The following ATP2C2 variants were observed in gnomAD, a reference collection of about 807,000 sequenced individuals.
The protein encoded by ATP2C2 is calcium-transporting ATPase type 2C member 2.
A neutral mutation model predicts 110.8 loss-of-function variants in ATP2C2; 171 were observed. The observed-to-expected ratio is 1.54, with a 90% CI of 1.36 to 1.75. ATP2C2 has a LOEUF of 1.75. ATP2C2 is among the 40% of genes most tolerant of loss of function. The pLI, the probability that ATP2C2 is intolerant of heterozygous loss-of-function variation, is 0.00. For synonymous variants in ATP2C2, 804 were observed against 508.4 expected (o/e 1.58, Z -7.82); for missense variants, 1,963 against 1,235.0 (o/e 1.59, Z -8.84).
At position 84,451,953 on chromosome 16, in the gene ATP2C2, C is replaced by A. The variant is rs184008317; in HGVS notation, c.1693C>A (p.Arg565=). 1.9e-6 allele frequency: 3 copies of A among 1,614,028 alleles called. No homozygotes were observed. The highest frequency in any genetic ancestry group is 2.5e-6 in the Non-Finnish European group (3 of 1,179,998). ...CCTGGCTTCTGGGCCCGAGCTGGGG[C>A]GGCTGACGTTTCTCGGTCTTGTGGG... ...LALASGPELG[R]LTFLGLVGII... Residue 565 remains arginine (R), a synonymous_variant, in exon 18 of 27, where the codon CGG becomes AGG. Coordinates refer to ENST00000262429, the MANE Select transcript of ATP2C2 (RefSeq NM_014861.4).
At chr16:84,448,794 G>A in intron 17 of ATP2C2, 105 bp downstream of exon 17, 1 of 1,451,386 alleles carries the variant, frequency 6.9e-7, no homozygotes, top group East Asian at 2.4e-5. Context: ...CCGTCCCAAG[G>A]AGTCAGGCAG....
intron 6 of ATP2C2, among the ~76,000 whole-genome samples, chr16:84,414,345 C>G (rs768173802): frequency 5.3e-4 from 81 of 152,234 alleles, no homozygotes; most frequent in Non-Finnish European, 9.8e-4. Flanking sequence ...CCTCCTTACC[C>G]TGCCACCTTG....
In ATP2C2 at chr16:84,463,740, C is replaced by T. The variant is rs946792375; in HGVS notation, c.*8C>T. The T allele has an allele frequency of 2.5e-6, 4 of 1,593,262 alleles. No individual in the cohort carries two copies. Among genetic ancestry groups the T allele is most frequent in the Non-Finnish European group, 3.4e-6 (4 of 1,163,274 alleles). ...CACCCTGAAGATGTGTAGTGGACCGCACTCCGCGGCACCTTCCCTAATCAT... is the reference window on the plus strand; with the variant it reads ...CACCCTGAAGATGTGTAGTGGACCGTACTCCGCGGCACCTTCCCTAATCAT... On this transcript the variant is annotated 3_prime_UTR_variant, in exon 27 of 27. Coordinates refer to ENST00000262429, the MANE Select transcript of ATP2C2 (RefSeq NM_014861.4).
At chr16:84,463,151 T>C (rs933538842) in intron 26 of ATP2C2, among the ~76,000 whole-genome samples, 2 of 152,178 alleles carry the variant, frequency 1.3e-5, no homozygotes, top group Admixed American at 6.5e-5. Flanking sequence ...GGATGGTTCC[T>C]CAAAACAGCA....
rs770369092 is a variant in ATP2C2 at position 84,453,303 on chromosome 16, C to A, written c.1930-18C>A. The A allele has an allele frequency of 6.2e-6, 10 of 1,614,152 alleles. No homozygotes were observed. The highest frequency in any genetic ancestry group is 8.5e-6 in the Non-Finnish European group (10 of 1,180,014). On this transcript the variant is annotated intron_variant, in intron 19 of 26. Coordinates refer to ENST00000262429, the MANE Select transcript of ATP2C2 (RefSeq NM_014861.4). ...GCTTTGAAATCTGATTCTTCGTCTT[C>A]CCCGTCTCCGTGTCCAGGTGTCCGT... is the stretch of plus-strand genomic sequence containing the variant.
intron 1 of ATP2C2, among the ~76,000 whole-genome samples, chr16:84,387,301 C>A (rs529660654): frequency 4.7e-4 from 72 of 152,064 alleles, no homozygotes; most frequent in Non-Finnish European, 9.4e-4. Flanking sequence ...GCGAGTGGAT[C>A]ACCTAAACTC....
rs780786968 is a variant in ATP2C2 at position 84,423,267 on chromosome 16, A to C, written c.919+4A>C. ...CTCTTCTCCTTTGGCATAATCGGTG[A>C]GTGAAGCAGTTTCCATACTGGGTTT... On this transcript the variant is annotated splice_donor_region_variant and intron_variant, in intron 10 of 26. Transcript: ENST00000262429. 1 of 1,613,146 alleles carries C rather than the reference A, an allele frequency of 6.2e-7. No individual in the cohort carries two copies. The highest frequency in any genetic ancestry group is 8.5e-7 in the Non-Finnish European group (1 of 1,179,104).
chr16:84,394,232 C>G (rs1209721398), intron 1 of ATP2C2, among the ~76,000 whole-genome samples: 2 of 151,990 alleles, frequency 1.3e-5, no homozygotes, highest in African/African-American at 4.8e-5. Context: ...ATTCACATAA[C>G]AAAATCAACC....
chr16:84,379,193 T>G (rs1910430191), intron 1 of ATP2C2, among the ~76,000 whole-genome samples: 1 of 150,358 alleles, frequency 6.7e-6, no homozygotes, highest in Non-Finnish European at 1.5e-5. Context: ...TCGTTTCCTT[T>G]CCTTTCCTGA....
intron 7 of ATP2C2, among the ~76,000 whole-genome samples, chr16:84,420,926 C>G (rs61431982): frequency 0.028 from 4,269 of 152,236 alleles, 170 homozygotes; most frequent in African/African-American, 0.09. Flanking sequence ...CTGCCTCAGC[C>G]TCCTGAGTAG....
intron 23 of ATP2C2, chr16:84,459,875 G>A (rs936746154): frequency 1.7e-5 from 6 of 357,656 alleles, no homozygotes; most frequent in African/African-American, 8.3e-5. Context: ...AGAGATAAAG[G>A]GCTTGCCACT....
chr16:84,371,333 A>G (rs1465249171), intron 1 of ATP2C2, among the ~76,000 whole-genome samples: 1 of 152,182 alleles, frequency 6.6e-6, no homozygotes, highest in Non-Finnish European at 1.5e-5. Context: ...CCTGGGCAAC[A>G]TAGCCAGATG....
intron 6 of ATP2C2, among the ~76,000 whole-genome samples, chr16:84,412,015 T>C (rs1296326705): frequency 1.3e-5 from 2 of 151,930 alleles, no homozygotes; most frequent in East Asian, 3.9e-4. Flanking sequence ...TTCTTTTTGT[T>C]GTTGTTGTTG....
intron 7 of ATP2C2, among the ~76,000 whole-genome samples, chr16:84,421,924 G>A (rs183567232): frequency 2.2e-4 from 33 of 152,090 alleles, no homozygotes; most frequent in African/African-American, 6.0e-4. Context: ...CCTTTGCCAG[G>A]GTGTGTGAGT....
intron 23 of ATP2C2, chr16:84,460,409 C>T (rs946497211): frequency 3.4e-6 from 2 of 582,100 alleles, no homozygotes; most frequent in Non-Finnish European, 6.2e-6. Context: ...TGTGGTTGGC[C>T]TTACGGGGTG....
rs559224106 is a variant in ATP2C2, at chr16:84,423,290, T to C, written c.919+27T>C. 64 of 1,603,016 alleles carry C rather than the reference T, an allele frequency of 4.0e-5. No homozygotes were observed. The African/African-American group carries it at 8.3e-4, about 21-fold the overall frequency. The stretch of plus-strand genomic sequence containing the variant: ...TGAGTGAAGCAGTTTCCATACTGGG[T>C]TTGTTCTGCAGATGGAGGGGAGCCA... On this transcript the variant is annotated intron_variant, in intron 10 of 26. Transcript: ENST00000262429.
chr16:84,408,535 A>C (rs1414295456), intron 4 of ATP2C2, 41 bp downstream of exon 4: 1 of 1,527,932 alleles, frequency 6.5e-7, no homozygotes, highest in Non-Finnish European at 9.0e-7. Context: ...GCGGGCAGCC[A>C]CAGGTCTGCT....
chr16:84,452,070 C>A lies in ATP2C2; in HGVS notation c.1810C>A (p.Leu604Met). ...VSVKMITGDALETALAIGRNI... is the reference protein window; with the variant it reads ...VSVKMITGDAMETALAIGRNI... ...TGTGAAGATGATAACGGGGGATGCC[C>A]TGGAGACGGCCTTGGCCATAGGTAA... The change falls in exon 18 of 27, where the codon CTG (leucine) becomes ATG (methionine). Residue 604 changes from leucine to methionine, a missense_variant. Transcript: ENST00000262429. 1 of 1,613,956 alleles carries A rather than the reference C, an allele frequency of 6.2e-7. No individual in the cohort carries two copies. Among genetic ancestry groups the A allele is most frequent in the African/African-American group, 1.3e-5 (1 of 74,978 alleles).
At chr16:84,459,079 G>A (rs1308371722) in intron 21 of ATP2C2, 41 bp from the exon 22 acceptor site, 7 of 1,610,142 alleles carry the variant, frequency 4.3e-6, no homozygotes, top group Non-Finnish European at 5.9e-6. Context: ...CAGCCCTCAC[G>A]CAGGCCCGCT....
Sources: gnomAD v4.1 joint callset for allele counts (sites outside exome capture counted in the v4.1 genomes callset) on GRCh38, gnomAD v4.1.1 for gene constraint, MANE v1.5 for transcripts, NCBI Gene and HGNC (gene_info 2026-07-23, HGNC 2026-07-21) for gene names.